DIP2A: variants seen among roughly 807,000 people sequenced by gnomAD.
DIP2A encodes disco-interacting protein 2 homolog A.
Under a neutral mutation model 177.4 loss-of-function variants are expected in DIP2A, and 85 were observed. That is an observed-to-expected ratio of 0.48 (90% CI 0.40 to 0.57). DIP2A has a LOEUF of 0.57. Among genes scored for constraint, DIP2A ranks in the 20% least tolerant of loss-of-function variants. DIP2A has a pLI of 0.00. For synonymous variants in DIP2A, 886 were observed against 881.8 expected, an observed-to-expected ratio of 1.00 and a Z score of -0.08; for missense variants, 1,791 against 2,100.2, an observed-to-expected ratio of 0.85 and a Z score of 2.88.
chr21:46,547,257 GAAA>G, intron 21 of DIP2A: 1 of 1,299,194 alleles, frequency 7.7e-7, no homozygotes. Flanking sequence ...GATTCCTTAA[GAAA>G]ATAAGGTTTT....
At chr21:46,561,960 C>T (rs1192809507) in intron 34 of DIP2A, 155 bp downstream of exon 34, 1 of 966,026 alleles carries the variant, frequency 1.0e-6, no homozygotes, top group African/African-American at 1.8e-5. Flanking sequence ...TCCTTCCCTC[C>T]TTTGTGGCTG....
chr21:46,552,149 A>G (rs1240823820), intron 25 of DIP2A, among the ~76,000 whole-genome samples: 2 of 152,042 alleles, frequency 1.3e-5, no homozygotes, highest in Non-Finnish European at 2.9e-5. Flanking sequence ...CACATTTCAC[A>G]CAATAGTATT....
Position 46,563,660 on chromosome 21 carries a change from T to C in DIP2A, c.4090-198T>C. ...TCCCTTCTCAGGAACTGGAGTCATT[T>C]TGCTTATTTCTATTAACATCTCTTA... is the stretch of plus-strand genomic sequence containing the variant. On this transcript the variant is annotated intron_variant, in intron 34 of 37. Coordinates refer to ENST00000417564, the MANE Select transcript of DIP2A (RefSeq NM_015151.4). The surrounding 1 kb of genome is among the most constrained non-coding windows in gnomAD (Gnocchi z 4.3). 1 of 974,860 alleles carries C rather than the reference T, an allele frequency of 1.0e-6. No homozygotes were observed. Among genetic ancestry groups the C allele is most frequent in the Non-Finnish European group, 1.4e-6 (1 of 697,462 alleles). 60.4% of individuals were successfully genotyped at this position (974,860 alleles called of 1,614,324 possible).
intron 18 of DIP2A, among the ~76,000 whole-genome samples, chr21:46,544,413 C>T (rs1307713062): frequency 6.6e-6 from 1 of 152,136 alleles, no homozygotes; most frequent in East Asian, 1.9e-4. Flanking sequence ...GAATCCTGGT[C>T]TTGAGTGGCT....
chr21:46,567,280 C>A (rs141260864), intron 37 of DIP2A, 90 bp from the exon 38 acceptor site: 2 of 1,525,926 alleles, frequency 1.3e-6, no homozygotes, highest in Admixed American at 4.1e-5. Context: ...GTGGGCTTCA[C>A]TCTTCTTTGT....
At chr21:46,470,663 CAGG>C (rs1380575143) in intron 1 of DIP2A, among the ~76,000 whole-genome samples, 2 of 151,762 alleles carry the variant, frequency 1.3e-5, no homozygotes, top group Non-Finnish European at 1.5e-5. Flanking sequence ...CCCAGCTACT[CAGG>C]AGGCTGAGTC....
At chr21:46,532,449 C>T (rs1366762754) in intron 10 of DIP2A, among the ~76,000 whole-genome samples, 1 of 152,126 alleles carries the variant, frequency 6.6e-6, no homozygotes, top group Non-Finnish European at 1.5e-5. Context: ...GCACTGAGAA[C>T]CGTTTTGCTG....
At chr21:46,491,282 T>C (rs1384796631) in intron 3 of DIP2A, among the ~76,000 whole-genome samples, 1 of 152,240 alleles carries the variant, frequency 6.6e-6, no homozygotes, top group Non-Finnish European at 1.5e-5. Context: ...GTTATCTATT[T>C]AATATTTTCA....
At position 46,537,104 on chromosome 21, in the gene DIP2A, C is replaced by A; in HGVS notation, c.1643-120C>A. ...AATTGGTATGTGGTATTTGGAAATGCTGTATCTGTTCCTGAAACTTACATG... is the reference window on the plus strand; with the variant it reads ...AATTGGTATGTGGTATTTGGAAATGATGTATCTGTTCCTGAAACTTACATG... On this transcript the variant is annotated intron_variant, in intron 13 of 37. Transcript: ENST00000417564. This position sits in a 1 kb window ranked among gnomAD's most constrained non-coding sequence, Gnocchi z 4.1. 2 of 901,768 alleles carry A rather than the reference C, an allele frequency of 2.2e-6. No homozygotes were observed. Among genetic ancestry groups the A allele is most frequent in the Non-Finnish European group, 3.7e-6 (2 of 537,124 alleles). 55.9% of individuals were successfully genotyped at this position (901,768 alleles called of 1,614,324 possible). A position where few individuals can be genotyped will look rare whatever the true frequency, so the allele number is the denominator to read the frequency against.
chr21:46,510,081 G>T (rs2058232841), intron 7 of DIP2A, among the ~76,000 whole-genome samples: 1 of 152,210 alleles, frequency 6.6e-6, no homozygotes, highest in Non-Finnish European at 1.5e-5. Flanking sequence ...AGTTCATTAA[G>T]GCATATTGAC....
chr21:46,578,171 G>A, the DIP2A span, among the ~76,000 whole-genome samples: 3 of 152,170 alleles, frequency 2.0e-5, no homozygotes, highest in South Asian at 6.2e-4. Context: ...AATTAGCCAG[G>A]CGTGGTGGTG....
chr21:46,544,295 C>A (rs77407175), intron 18 of DIP2A, among the ~76,000 whole-genome samples: 1 of 152,010 alleles, frequency 6.6e-6, no homozygotes, highest in Non-Finnish European at 1.5e-5. Context: ...CATGAAAAGG[C>A]GCACATGTAC....
Position 46,545,119 on chromosome 21 carries a change from T to C in DIP2A, c.2177-18T>C. The C allele has an allele frequency of 6.4e-7, 1 of 1,566,996 alleles. No homozygotes were observed. The highest frequency in any genetic ancestry group is 8.7e-7 in the Non-Finnish European group (1 of 1,149,680). On this transcript the variant is annotated intron_variant, in intron 18 of 37. Transcript: ENST00000417564. ...TAAACACGTTCTTGATAATTTTGAG[T>C]TTTTTTTCTCATTTTAGCTAATGTA...
chr21:46,523,196 A>G (rs538199278), intron 8 of DIP2A, among the ~76,000 whole-genome samples: 7 of 151,806 alleles, frequency 4.6e-5, no homozygotes, highest in African/African-American at 1.7e-4. Flanking sequence ...AAGTGCTGGG[A>G]TTATAGATGT....
chr21:46,502,386 C>A (rs1252816044), intron 5 of DIP2A, among the ~76,000 whole-genome samples: 2 of 150,994 alleles, frequency 1.3e-5, no homozygotes, highest in Non-Finnish European at 2.9e-5. Context: ...CCTGCCTCAG[C>A]CTCCCAAAGT....
intron 21 of DIP2A, among the ~76,000 whole-genome samples, chr21:46,549,424 G>C (rs1001174142): frequency 5.9e-5 from 9 of 152,136 alleles, no homozygotes; most frequent in African/African-American, 1.9e-4. Flanking sequence ...ATAGAGATGC[G>C]ATCTGTTGGA....
chr21:46,467,882 G>A (rs1333220937), intron 1 of DIP2A, among the ~76,000 whole-genome samples: 2 of 152,106 alleles, frequency 1.3e-5, no homozygotes, highest in African/African-American at 2.4e-5. Flanking sequence ...GGAGGTCGAA[G>A]AGGATGGCTG....
chr21:46,567,262 T>A lies in DIP2A; in HGVS notation c.4464-108T>A, dbSNP rs2060863757. The A allele has an allele frequency of 8.1e-6, 12 of 1,474,532 alleles. No individual in the cohort carries two copies. In the East Asian group the frequency reaches 2.7e-4, roughly 34 times the overall value. 91.3% of individuals were successfully genotyped at this position (1,474,532 alleles called of 1,614,324 possible). On this transcript the variant is annotated intron_variant, in intron 37 of 37. Transcript: ENST00000417564. The stretch of plus-strand genomic sequence containing the variant: ...TTGTAAATGGCCTTAAATAGCTGTG[T>A]GACATTGGTGGGCTTCACTCTTCTT...
chr21:46,549,753 C>T lies in DIP2A; in HGVS notation c.2523-18C>T, dbSNP rs774441179. The T allele has an allele frequency of 5.6e-6, 9 of 1,612,948 alleles. No individual in the cohort carries two copies. The highest frequency in any genetic ancestry group is 3.3e-4 in the Middle Eastern group (2 of 6,062). On this transcript the variant is annotated intron_variant, in intron 21 of 37. Coordinates refer to ENST00000417564, the MANE Select transcript of DIP2A (RefSeq NM_015151.4). ...TTGGCCTCTTGCCGTGTGGCCATTT[C>T]CATGTCTCATCCCGCAGGATCGCTG...
Sources: allele counts gnomAD v4.1 joint callset (sites outside exome capture counted in the v4.1 genomes callset), GRCh38; gene constraint gnomAD v4.1.1; non-coding constraint Gnocchi (gnomAD v3.1); transcripts MANE v1.5; gene names NCBI Gene and HGNC (gene_info 2026-07-23, HGNC 2026-07-21).